The following SPTLC3 variants were observed in gnomAD, a reference collection of about 807,000 sequenced individuals.
SPTLC3 encodes serine palmitoyltransferase long chain base subunit 3.
Under a neutral mutation model 59.3 loss-of-function variants are expected in SPTLC3, and 36 were observed. The ratio of observed to expected loss-of-function variants is 0.61; its 90% CI spans 0.47 to 0.80. SPTLC3 has a LOEUF of 0.80. Among genes scored for constraint, SPTLC3 ranks in the 30% least tolerant of loss-of-function variants. The probability of loss-of-function intolerance (pLI) is 0.00; values close to 1 mark genes in which losing one functional copy is unlikely to be tolerated. For missense variants in SPTLC3, 625 were observed against 685.1 expected (o/e 0.91, Z 0.98); for synonymous variants, 257 against 240.8 (o/e 1.07, Z -0.62).
chr20:13,066,645 T>C (rs1404990774), intron 2 of SPTLC3, among the ~76,000 whole-genome samples: 4 of 152,212 alleles, frequency 2.6e-5, no homozygotes, highest in Non-Finnish European at 5.9e-5. Flanking sequence ...TTTTCTTCTG[T>C]GAAGTGTGAA....
At chr20:13,074,593 T>A (rs1040401880) in intron 4 of SPTLC3, 96 bp downstream of exon 4, 9 of 1,328,296 alleles carry the variant, frequency 6.8e-6, no homozygotes, top group Non-Finnish European at 8.1e-6. Flanking sequence ...CTGTGTCCCT[T>A]AAAAAGGTGT....
chr20:13,019,860 T>C (rs1985774834), intron 1 of SPTLC3, among the ~76,000 whole-genome samples: 1 of 152,246 alleles, frequency 6.6e-6, no homozygotes, highest in Non-Finnish European at 1.5e-5. Flanking sequence ...TATACACAGC[T>C]CTTATTTGTC....
intron 1 of SPTLC3, among the ~76,000 whole-genome samples, chr20:13,011,714 T>C (rs1255293630): frequency 2.0e-5 from 3 of 148,024 alleles, no homozygotes; most frequent in Non-Finnish European, 4.5e-5. Flanking sequence ...GGAGCTTTTA[T>C]GGAGCCTGAC....
Position 13,104,871 on chromosome 20 carries a change from C to CT in SPTLC3, c.827-5234dup, listed in dbSNP as rs553999369. On this transcript the variant is annotated intron_variant, in intron 6 of 11. Transcript: ENST00000399002. ...GTTTGGAGGGCTTTTGTTTGGGGAA[C>CT]TTTTTTTAACAAAACTTCTGGCATT... is the stretch of plus-strand genomic sequence containing the variant. Among the ~76,000 whole-genome samples the CT allele has an allele frequency of 1.4e-3, 213 of 152,110 alleles. 1 individual carries two copies. The highest frequency in any genetic ancestry group is 4.6e-3 in the African/African-American group (192 of 41,494).
At chr20:13,075,384 T>A (rs1988609302) in intron 4 of SPTLC3, among the ~76,000 whole-genome samples, 1 of 152,228 alleles carries the variant, frequency 6.6e-6, no homozygotes, top group African/African-American at 2.4e-5. Flanking sequence ...TTTACTATCA[T>A]GTTAATGAAT....
chr20:13,066,974 A>T (rs1234310530), intron 2 of SPTLC3, among the ~76,000 whole-genome samples: 1 of 145,784 alleles, frequency 6.9e-6, no homozygotes, highest in East Asian at 2.1e-4. Context: ...CATGGTCATT[A>T]TTTTTTGAAC....
At chr20:13,017,206 T>A (rs995518674) in intron 1 of SPTLC3, among the ~76,000 whole-genome samples, 2 of 152,210 alleles carry the variant, frequency 1.3e-5, no homozygotes, top group African/African-American at 2.4e-5. Flanking sequence ...AATAAAAATT[T>A]TAGCTTATCA....
intron 6 of SPTLC3, among the ~76,000 whole-genome samples, chr20:13,096,951 A>G (rs1989437175): frequency 6.6e-6 from 1 of 152,072 alleles, no homozygotes; most frequent in African/African-American, 2.4e-5. Flanking sequence ...CAATTTTTCT[A>G]TTCCAAAAAT....
At chr20:13,154,928 C>T (rs1286655349) in intron 10 of SPTLC3, among the ~76,000 whole-genome samples, 1 of 152,166 alleles carries the variant, frequency 6.6e-6, no homozygotes, top group Non-Finnish European at 1.5e-5. Context: ...TGCCTGTAAT[C>T]CCAGCACTTT....
chr20:13,072,166 A>T, intron 2 of SPTLC3, 90 bp from the exon 3 acceptor site: 3 of 1,393,678 alleles, frequency 2.2e-6, no homozygotes, highest in Non-Finnish European at 2.9e-6. Context: ...TTATTTCCAC[A>T]GCTCTTCCAG....
intron 1 of SPTLC3, among the ~76,000 whole-genome samples, chr20:13,032,912 T>G (rs947131288): frequency 4.6e-5 from 7 of 152,166 alleles, no homozygotes; most frequent in Admixed American, 1.3e-4. Flanking sequence ...AAGAAAGGGC[T>G]GGAGTAGCTA....
At chr20:13,029,906 G>C (rs1184681119) in intron 1 of SPTLC3, among the ~76,000 whole-genome samples, 1 of 152,240 alleles carries the variant, frequency 6.6e-6, no homozygotes, top group Admixed American at 6.5e-5. Context: ...TCTCTTTCTA[G>C]GTCAGAGAGC....
intron 2 of SPTLC3, among the ~76,000 whole-genome samples, chr20:13,064,046 T>C (rs1988080492): frequency 6.6e-6 from 1 of 151,770 alleles, no homozygotes; most frequent in African/African-American, 2.4e-5. Context: ...TCTTCTTTTT[T>C]TTTGATGGAG....
In SPTLC3 at chr20:13,014,826, G is replaced by A. The variant is rs186115061; in HGVS notation, c.117+5442G>A. Reference sequence around the variant, plus strand: ...AAAAAGATAAATGTCAACCAATTCCGGTCCATAATCAGTTGAGGGATGCTC... The same window carrying A: ...AAAAAGATAAATGTCAACCAATTCCAGTCCATAATCAGTTGAGGGATGCTC... On this transcript the variant is annotated intron_variant, in intron 1 of 11. Coordinates refer to ENST00000399002, the MANE Select transcript of SPTLC3 (RefSeq NM_018327.4). 1.0e-3 allele frequency among the ~76,000 whole-genome samples: 156 copies of A among 151,594 alleles called. 1 individual carries two copies. Among genetic ancestry groups the A allele is most frequent in the African/African-American group, 3.3e-3 (135 of 41,392 alleles).
chr20:13,048,350 A>C (rs1346936), intron 1 of SPTLC3, among the ~76,000 whole-genome samples: 151,849 of 152,320 alleles, frequency 1, 75,689 homozygotes, highest in Middle Eastern at 1. Flanking sequence ...TCTCTTCCAC[A>C]CTTCTTTTCT....
chr20:13,089,804 A>G (rs1211400595), intron 4 of SPTLC3, among the ~76,000 whole-genome samples: 1 of 146,830 alleles, frequency 6.8e-6, no homozygotes, highest in African/African-American at 2.5e-5. Flanking sequence ...AAAAAAAAAA[A>G]CAAAACAATG....
chr20:13,035,127 C>T (rs1048689652), intron 1 of SPTLC3, among the ~76,000 whole-genome samples: 1 of 152,138 alleles, frequency 6.6e-6, no homozygotes, highest in Non-Finnish European at 1.5e-5. Context: ...CTGAACATCT[C>T]TCTATGTACC....
intron 10 of SPTLC3, among the ~76,000 whole-genome samples, chr20:13,157,584 C>T (rs992694226): frequency 5.9e-5 from 9 of 151,886 alleles, no homozygotes; most frequent in African/African-American, 2.2e-4. Context: ...AAAAAATGCA[C>T]ATCTCATTAA....
In SPTLC3 at chr20:13,052,229, G is replaced by A. The variant is rs187102408; in HGVS notation, c.303+3099G>A. The stretch of plus-strand genomic sequence containing the variant: ...TGGTGCAGACCACAGAGGGCAAGCC[G>A]AAGCAGGGTGCGGCACTGCCTCACC... On this transcript the variant is annotated intron_variant, in intron 2 of 11. Transcript: ENST00000399002. Among the ~76,000 whole-genome samples, 73 of 152,248 alleles carry A rather than the reference G, an allele frequency of 4.8e-4. 2 individuals are homozygous for A. Among genetic ancestry groups the A allele is most frequent in the South Asian group, 3.3e-3 (16 of 4,818 alleles).
Sources: gnomAD v4.1 joint callset for allele counts (sites outside exome capture counted in the v4.1 genomes callset) on GRCh38, gnomAD v4.1.1 for gene constraint, MANE v1.5 for transcripts, NCBI Gene and HGNC (gene_info 2026-07-23, HGNC 2026-07-21) for gene names.